The following SRPK2 variants were observed in gnomAD, a reference collection of about 807,000 sequenced individuals.
SRPK2 encodes SRSF protein kinase 2.
Under a neutral mutation model 90.8 loss-of-function variants are expected in SRPK2, and 21 were observed. That is an observed-to-expected ratio of 0.23 (90% CI 0.16 to 0.33). The LOEUF is 0.33. Ranked by LOEUF, SRPK2 falls within the 10% of genes least tolerant of loss-of-function variation. The probability of loss-of-function intolerance (pLI) is 1.00; values close to 1 mark genes in which losing one functional copy is unlikely to be tolerated. For synonymous variants in SRPK2, 288 were observed against 311.1 expected, an observed-to-expected ratio of 0.93 and a Z score of 0.78; for missense variants, 620 against 869.0, an observed-to-expected ratio of 0.71 and a Z score of 3.60.
chr7:105,213,657 C>T (rs1191282299), intron 2 of SRPK2, among the ~76,000 whole-genome samples: 4 of 152,124 alleles, frequency 2.6e-5, no homozygotes, highest in Non-Finnish European at 2.9e-5. Flanking sequence ...ATAAGATATA[C>T]ATATAAGAAG....
At chr7:105,241,027 T>G (rs1334689189) in intron 2 of SRPK2, among the ~76,000 whole-genome samples, 1 of 152,200 alleles carries the variant, frequency 6.6e-6, no homozygotes, top group Admixed American at 6.5e-5. Context: ...ATGTAAGAAC[T>G]CTTAAGTGAA....
At chr7:105,368,884 C>CA (rs5886350) in intron 2 of SRPK2, among the ~76,000 whole-genome samples, 71 of 93,100 alleles carry the variant, frequency 7.6e-4, no homozygotes, top group African/African-American at 2.2e-3. Flanking sequence ...AACTCTATCT[C>CA]AAAAAAAAAA....
intron 2 of SRPK2, among the ~76,000 whole-genome samples, chr7:105,259,960 C>G (rs938079606): frequency 6.6e-6 from 1 of 152,168 alleles, no homozygotes; most frequent in African/African-American, 2.4e-5. Context: ...CAATACCATT[C>G]AGGACACAGG....
intron 3 of SRPK2, among the ~76,000 whole-genome samples, chr7:105,171,097 C>T (rs76090969): frequency 1.0e-4 from 15 of 149,290 alleles, no homozygotes; most frequent in East Asian, 2.0e-4. Context: ...GGGGAGGGGA[C>T]GGGAAGGGAG....
At chr7:105,128,473 A>G (rs551104826) in intron 13 of SRPK2, among the ~76,000 whole-genome samples, 23 of 152,336 alleles carry the variant, frequency 1.5e-4, no homozygotes, top group South Asian at 8.3e-4. Flanking sequence ...GGAAAACCTC[A>G]TAACTGGCCC....
chr7:105,311,037 G>A (rs1811648500), intron 2 of SRPK2, among the ~76,000 whole-genome samples: 1 of 151,886 alleles, frequency 6.6e-6, no homozygotes, highest in South Asian at 2.1e-4. Flanking sequence ...CCGCTTAGTT[G>A]ACTAAAAACT....
At chr7:105,195,893 C>T (rs1794855252) in intron 3 of SRPK2, among the ~76,000 whole-genome samples, 1 of 152,210 alleles carries the variant, frequency 6.6e-6, no homozygotes, top group South Asian at 2.1e-4. Context: ...CTAGACAGGT[C>T]AAGGCTCTGC....
intron 2 of SRPK2, among the ~76,000 whole-genome samples, chr7:105,377,190 T>C (rs1820408465): frequency 6.6e-6 from 1 of 152,132 alleles, no homozygotes; most frequent in African/African-American, 2.4e-5. Context: ...AACTTTCTCC[T>C]GGGTCTCCCA....
chr7:105,235,049 T>C (rs905275615), intron 2 of SRPK2, among the ~76,000 whole-genome samples: 3 of 149,838 alleles, frequency 2.0e-5, no homozygotes, highest in East Asian at 4.4e-4. Flanking sequence ...TAGCGTATCT[T>C]ATGTGTGGCC....
At chr7:105,221,511 C>A (rs1585228484) in intron 2 of SRPK2, among the ~76,000 whole-genome samples, 1 of 152,280 alleles carries the variant, frequency 6.6e-6, no homozygotes, top group African/African-American at 2.4e-5. Flanking sequence ...GGATTTCAAA[C>A]CAATATCACA....
At chr7:105,140,077 T>C (rs1041800658) in intron 11 of SRPK2, among the ~76,000 whole-genome samples, 2 of 152,188 alleles carry the variant, frequency 1.3e-5, no homozygotes, top group East Asian at 1.9e-4. Context: ...GTAAATGGTA[T>C]GTAAATAGTT....
At chr7:105,215,144 A>G (rs1258899416) in intron 2 of SRPK2, among the ~76,000 whole-genome samples, 2 of 152,230 alleles carry the variant, frequency 1.3e-5, no homozygotes, top group African/African-American at 4.8e-5. Flanking sequence ...CATGTGAAAG[A>G]ATAAAGCTAA....
intron 2 of SRPK2, among the ~76,000 whole-genome samples, chr7:105,259,961 A>G (rs1803968416): frequency 6.6e-6 from 1 of 152,240 alleles, no homozygotes. Context: ...AATACCATTC[A>G]GGACACAGGC....
chr7:105,181,733 A>C (rs905619165), intron 3 of SRPK2, among the ~76,000 whole-genome samples: 1 of 152,136 alleles, frequency 6.6e-6, no homozygotes, highest in Admixed American at 6.6e-5. Flanking sequence ...GGAGGGTGGA[A>C]GAACAGAGAG....
At chr7:105,245,010 TGA>T in intron 2 of SRPK2, 3 of 764,360 alleles carry the variant, frequency 3.9e-6, no homozygotes, top group Non-Finnish European at 6.5e-6. Context: ...AAGAACAGCT[TGA>T]GAGGAAAAAC....
In SRPK2 at chr7:105,174,084, A is replaced by AT. The variant is rs916648532; in HGVS notation, c.230-4820_230-4819insA. Among the ~76,000 whole-genome samples, 21 of 147,766 alleles carry AT rather than the reference A, an allele frequency of 1.4e-4. No homozygotes were observed. The South Asian group carries it at 2.0e-3, about 14-fold the overall frequency. The stretch of plus-strand genomic sequence containing the variant: ...GTACAGTGAGACCCTGTCTCTAATA[A>AT]AAAAAAAAAAAAACTCTTATCGGAT... On this transcript the variant is annotated intron_variant, in intron 3 of 15. Transcript: ENST00000393651.
intron 1 of SRPK2, among the ~76,000 whole-genome samples, chr7:105,398,998 A>C (rs1822400265): frequency 1.3e-5 from 2 of 152,246 alleles, no homozygotes; most frequent in Admixed American, 6.5e-5. Flanking sequence ...TAAATGACTT[A>C]GTTCACATGA....
At chr7:105,269,602 C>G (rs1161278931) in intron 2 of SRPK2, among the ~76,000 whole-genome samples, 1 of 152,044 alleles carries the variant, frequency 6.6e-6, no homozygotes, top group Admixed American at 6.5e-5. Context: ...ACATCTACAA[C>G]AGGAATGTAA....
chr7:105,244,213 G>C (rs540790445), intron 2 of SRPK2, among the ~76,000 whole-genome samples: 6 of 152,292 alleles, frequency 3.9e-5, no homozygotes, highest in African/African-American at 1.2e-4. Context: ...GCTATAAAAA[G>C]AAACATTTGC....
Sources: allele counts gnomAD v4.1 joint callset (sites outside exome capture counted in the v4.1 genomes callset), GRCh38; gene constraint gnomAD v4.1.1; transcripts MANE v1.5; gene names NCBI Gene and HGNC (gene_info 2026-07-23, HGNC 2026-07-21).